CLSTN2: variants seen among roughly 807,000 people sequenced by gnomAD.
The protein encoded by CLSTN2 is calsyntenin-2.
CLSTN2 carries 48 observed loss-of-function variants against 101.2 expected under a neutral mutation model. The observed-to-expected ratio is 0.47, with a 90% CI of 0.38 to 0.60. The LOEUF (loss-of-function observed/expected upper bound fraction) is 0.60. CLSTN2 is among the 20% of genes least tolerant of loss of function. The pLI is 0.00. For missense variants in CLSTN2, 1,160 were observed against 1,238.2 expected (o/e 0.94, Z 0.95); for synonymous variants, 481 against 463.6 (o/e 1.04, Z -0.48).
At chr3:140,242,846 A>G (rs1022002074) in intron 2 of CLSTN2, among the ~76,000 whole-genome samples, 3 of 152,138 alleles carry the variant, frequency 2.0e-5, no homozygotes, top group Admixed American at 6.5e-5. Context: ...CTGCACCGTT[A>G]TGGCCTTGCC....
chr3:140,421,080 C>T, intron 4 of CLSTN2, 45 bp from the exon 5 acceptor site: 1 of 1,591,104 alleles, frequency 6.3e-7, no homozygotes, highest in Non-Finnish European at 8.6e-7. Flanking sequence ...AGTACAAGTG[C>T]AGTTAAATTG....
intron 4 of CLSTN2, among the ~76,000 whole-genome samples, chr3:140,416,918 C>A (rs1456695588): frequency 6.6e-6 from 1 of 152,154 alleles, no homozygotes; most frequent in African/African-American, 2.4e-5. Flanking sequence ...TGCTTCTGAG[C>A]CAAATGTATC....
At chr3:139,996,399 G>GTT (rs200517727) in intron 1 of CLSTN2, among the ~76,000 whole-genome samples, 73 of 151,914 alleles carry the variant, frequency 4.8e-4, no homozygotes, top group African/African-American at 1.7e-3. Context: ...GTTGTTTTTT[G>GTT]TTTTTTTTGA....
At chr3:140,027,042 T>C (rs562920752) in intron 1 of CLSTN2, among the ~76,000 whole-genome samples, 2 of 152,356 alleles carry the variant, frequency 1.3e-5, no homozygotes, top group South Asian at 4.1e-4. Flanking sequence ...GATTTCTCTT[T>C]AAGCTGTGAA....
chr3:140,151,948 G>T (rs978574013), intron 1 of CLSTN2, among the ~76,000 whole-genome samples: 1 of 152,100 alleles, frequency 6.6e-6, no homozygotes, highest in African/African-American at 2.4e-5. Context: ...AGTCTAGGTG[G>T]ATATCCAGGC....
At chr3:140,270,529 G>A (rs541340260) in intron 2 of CLSTN2, among the ~76,000 whole-genome samples, 2 of 152,266 alleles carry the variant, frequency 1.3e-5, no homozygotes, top group Middle Eastern at 3.4e-3. Context: ...TCACCTGGCC[G>A]CAACTCTAGT....
At chr3:140,284,583 G>T (rs2086878947) in intron 2 of CLSTN2, among the ~76,000 whole-genome samples, 1 of 152,102 alleles carries the variant, frequency 6.6e-6, no homozygotes, top group Non-Finnish European at 1.5e-5. Context: ...ATCAGGATGT[G>T]CCCAGCCTCA....
At chr3:140,116,598 C>A (rs2009246736) in intron 1 of CLSTN2, among the ~76,000 whole-genome samples, 1 of 152,116 alleles carries the variant, frequency 6.6e-6, no homozygotes, top group South Asian at 2.1e-4. Flanking sequence ...TACTTTTGTA[C>A]CATTCTGAGA....
chr3:140,040,531 A>G (rs1302699179), intron 1 of CLSTN2, among the ~76,000 whole-genome samples: 2 of 151,938 alleles, frequency 1.3e-5, no homozygotes, highest in Non-Finnish European at 2.9e-5. Context: ...GAAGAAGGTC[A>G]GTGACTAATG....
rs186038353 is a variant in CLSTN2, at chr3:140,196,582, T to A, written c.232+20509T>A. 2.5e-3 allele frequency among the ~76,000 whole-genome samples: 384 copies of A among 152,330 alleles called. 4 individuals are homozygous for A. The highest frequency in any genetic ancestry group is 3.7e-3 in the Non-Finnish European group (253 of 68,024). On this transcript the variant is annotated intron_variant, in intron 2 of 16. Coordinates refer to ENST00000458420, the MANE Select transcript of CLSTN2 (RefSeq NM_022131.3). The stretch of plus-strand genomic sequence containing the variant: ...GCTGGTCATCAGGGTGGATATGAGA[T>A]AATCATTGCTGGCTCCGAAGATGCA...
At chr3:140,049,347 T>C (rs1345280123) in intron 1 of CLSTN2, among the ~76,000 whole-genome samples, 1 of 152,092 alleles carries the variant, frequency 6.6e-6, no homozygotes, top group Non-Finnish European at 1.5e-5. Flanking sequence ...TGCAGAAAAA[T>C]CAAAGTGTGA....
intron 2 of CLSTN2, among the ~76,000 whole-genome samples, chr3:140,354,136 T>C (rs1181125374): frequency 6.6e-6 from 1 of 152,116 alleles, no homozygotes; most frequent in Admixed American, 6.5e-5. Flanking sequence ...GGATGGAGGA[T>C]GTAAGGCCAG....
intron 2 of CLSTN2, among the ~76,000 whole-genome samples, chr3:140,317,865 T>C (rs2087243955): frequency 6.6e-6 from 1 of 152,164 alleles, no homozygotes; most frequent in Admixed American, 6.5e-5. Context: ...CTGCATCACC[T>C]CATTACAATA....
intron 4 of CLSTN2, among the ~76,000 whole-genome samples, chr3:140,419,769 G>A (rs771116477): frequency 3.3e-5 from 2 of 60,366 alleles, no homozygotes; most frequent in African/African-American, 2.3e-4. Context: ...GTGTATACAC[G>A]TGTATACACG....
At chr3:140,111,865 T>A (rs1298131862) in intron 1 of CLSTN2, among the ~76,000 whole-genome samples, 2 of 152,124 alleles carry the variant, frequency 1.3e-5, no homozygotes, top group Non-Finnish European at 2.9e-5. Context: ...TTTTAGAACA[T>A]CCCTGGAAGG....
intron 2 of CLSTN2, among the ~76,000 whole-genome samples, chr3:140,346,106 C>G (rs993089205): frequency 4.6e-5 from 7 of 152,146 alleles, no homozygotes; most frequent in Admixed American, 2.0e-4. Context: ...AGCCCCAAAC[C>G]CTGCTGTCTC....
chr3:140,248,913 G>T (rs1049199549), intron 2 of CLSTN2, among the ~76,000 whole-genome samples: 2 of 152,158 alleles, frequency 1.3e-5, no homozygotes, highest in Non-Finnish European at 2.9e-5. Context: ...CCATTTATCT[G>T]ATTTTAAAAG....
chr3:140,065,900 G>T (rs2107774795), intron 1 of CLSTN2, among the ~76,000 whole-genome samples: 1 of 152,226 alleles, frequency 6.6e-6, no homozygotes, highest in Non-Finnish European at 1.5e-5. Context: ...AATATGATCT[G>T]CCCAACCATG....
At position 140,423,660 on chromosome 3, in the gene CLSTN2, A is replaced by AT. The variant is rs148616336; in HGVS notation, c.787+2392dup. On this transcript the variant is annotated intron_variant, in intron 5 of 16. Transcript: ENST00000458420. The stretch of plus-strand genomic sequence containing the variant: ...TAATTCATAGTACCCCCCACCACCC[A>AT]TTTTTTCTTTTTCTCTTTTTTCCTT... Among the ~76,000 whole-genome samples, 1,310 of 151,826 alleles carry AT rather than the reference A, an allele frequency of 8.6e-3. 26 individuals are homozygous for AT. The highest frequency in any genetic ancestry group is 0.031 in the African/African-American group (1,265 of 41,378).
Sources: allele counts gnomAD v4.1 joint callset (sites outside exome capture counted in the v4.1 genomes callset), GRCh38; gene constraint gnomAD v4.1.1; transcripts MANE v1.5; gene names NCBI Gene and HGNC (gene_info 2026-07-23, HGNC 2026-07-21).